BAIAP2L2: variants seen among roughly 807,000 people sequenced by gnomAD.
The protein encoded by BAIAP2L2 is BAR/IMD domain containing adaptor protein 2 like 2.
Under a neutral mutation model 60.4 loss-of-function variants are expected in BAIAP2L2, and 65 were observed. The ratio of observed to expected loss-of-function variants is 1.08; its 90% CI spans 0.88 to 1.32. The LOEUF (loss-of-function observed/expected upper bound fraction) is 1.32, where lower values mean the gene tolerates loss of function less well. BAIAP2L2 is among the 40% of genes most tolerant of loss of function. BAIAP2L2 has a pLI of 0.00. For missense variants in BAIAP2L2, 836 were observed against 741.2 expected (o/e 1.13, Z -1.48); for synonymous variants, 344 against 301.7 (o/e 1.14, Z -1.45).
At chr22:38,110,206 G>A (rs1003086821) in intron 1 of BAIAP2L2, among the ~76,000 whole-genome samples, 16 of 144,986 alleles carry the variant, frequency 1.1e-4, no homozygotes, top group Admixed American at 3.5e-4. Flanking sequence ...GGGCAGCCAG[G>A]CCCTTCTCAT....
Position 38,087,270 on chromosome 22 carries a change from G to A in BAIAP2L2, c.1119-6C>T. The A allele has an allele frequency of 6.3e-7, 1 of 1,599,472 alleles. No individual in the cohort carries two copies. The highest frequency in any genetic ancestry group is 8.5e-7 in the Non-Finnish European group (1 of 1,174,222). ...CCTCGGGGAACCAACCGCTCCTGTG[G>A]GGTAGAGGCAGAGGACAATGACCAA... On this transcript the variant is annotated splice_polypyrimidine_tract_variant and splice_region_variant and intron_variant, in intron 10 of 13. Coordinates refer to ENST00000381669, the MANE Select transcript of BAIAP2L2 (RefSeq NM_025045.6).
Position 38,108,944 on chromosome 22 carries a change from G to A in BAIAP2L2, c.127+189C>T, listed in dbSNP as rs141386110. ...GGGTGCTGGGTGTGGACTGGGGTGC[G>A]TGGGCACAGGAGAGTGGGGGTGCAT... is the stretch of plus-strand genomic sequence containing the variant. On this transcript the variant is annotated intron_variant, in intron 2 of 13. Transcript: ENST00000381669. Among the ~76,000 whole-genome samples the A allele has an allele frequency of 1.6e-4, 24 of 152,048 alleles. No individual in the cohort carries two copies. In the East Asian group the frequency reaches 2.1e-3, roughly 13 times the overall value.
Position 38,104,990 on chromosome 22 carries a change from G to A in BAIAP2L2, c.276+2862C>T, listed in dbSNP as rs2086635501. Reference sequence around the variant, plus strand: ...GAGGCTGGCAAAGTTCTGCATGGTAGTTTCAGGTCTGGTTTGCCTAATAAT... The same window carrying A: ...GAGGCTGGCAAAGTTCTGCATGGTAATTTCAGGTCTGGTTTGCCTAATAAT... On this transcript the variant is annotated intron_variant, in intron 4 of 13. Transcript: ENST00000381669. 2.6e-5 allele frequency among the ~76,000 whole-genome samples: 4 copies of A among 152,174 alleles called. No homozygotes were observed. In the South Asian group the frequency reaches 8.3e-4, roughly 32 times the overall value.
At chr22:38,089,263 C>CG (rs1274367926) in intron 8 of BAIAP2L2, 32 bp from the exon 9 acceptor site, 99 of 20,896 alleles carry the variant, frequency 4.7e-3, no homozygotes, top group Admixed American at 0.012. Flanking sequence ...GAGGGTGGGG[C>CG]GGGGGGGGGG....
Position 38,089,552 on chromosome 22 carries a change from C to T in BAIAP2L2, c.735G>A (p.Ser245=). The change falls in exon 8 of 14, where the codon TCG becomes TCA. Residue 245 remains serine, a synonymous_variant. Coordinates refer to ENST00000381669, the MANE Select transcript of BAIAP2L2 (RefSeq NM_025045.6). The stretch of plus-strand genomic sequence containing the variant: ...CCAGGCAGGTGGGCGTCAGGCGGCC[C>T]GAGGGGTAGGGCGGCCCCAGCGCGG... ...LGPALGPPYP[S]GRLTPTCLDM... 8.2e-7 allele frequency: 1 copy of T among 1,226,288 alleles called. No homozygotes were observed. Among genetic ancestry groups the T allele is most frequent in the South Asian group, 4.1e-5 (1 of 24,360 alleles). The allele number at this position is 1,226,288 out of a possible 1,614,324, so 76.0% of individuals were successfully genotyped here. A position where few individuals can be genotyped will look rare whatever the true frequency, so the allele number is the denominator to read the frequency against.
intron 10 of BAIAP2L2, 103 bp downstream of exon 10, chr22:38,088,645 C>G: frequency 8.1e-7 from 1 of 1,233,812 alleles, no homozygotes; most frequent in South Asian, 1.6e-5. Context: ...TCCGAGGCCC[C>G]CGGGGGAGGC....
In BAIAP2L2 at chr22:38,089,681, G is replaced by A; in HGVS notation, c.613-7C>T. 1.6e-6 allele frequency: 2 copies of A among 1,229,762 alleles called. No individual in the cohort carries two copies. The highest frequency in any genetic ancestry group is 2.0e-6 in the Non-Finnish European group (2 of 986,664). The allele number at this position is 1,229,762 out of a possible 1,614,324, so 76.2% of individuals were successfully genotyped here. On this transcript the variant is annotated splice_polypyrimidine_tract_variant and splice_region_variant and intron_variant, in intron 7 of 13. Transcript: ENST00000381669. ...TCTGGAGCATCCCCCGGGCCTGGCC[G>A]GGCGGGGACACGGGGGTCAGCCAGG...
chr22:38,085,708 G>T lies in BAIAP2L2; in HGVS notation c.1492C>A (p.Pro498Thr), dbSNP rs747267486. The stretch of plus-strand genomic sequence containing the variant: ...CACCTCGGGAAGAGCTCCTGTGGTG[G>T]GTACTGCTCTGAGGACATCAGTTTC... ...VKKLMSSEQY[P>T]PQELFPRGTN... Residue 498 changes from proline (P) to threonine (T), a missense_variant, in exon 13 of 14, where the codon CCA becomes ACA. Transcript: ENST00000381669. The T allele has an allele frequency of 6.2e-7, 1 of 1,611,152 alleles. No individual in the cohort carries two copies. The highest frequency in any genetic ancestry group is 8.5e-7 in the Non-Finnish European group (1 of 1,179,150).
In BAIAP2L2 at chr22:38,088,888, G is replaced by A. The variant is rs2086185214; in HGVS notation, c.978C>T (p.Ala326=). The A allele has an allele frequency of 6.3e-7, 1 of 1,580,278 alleles. No individual in the cohort carries two copies. The highest frequency in any genetic ancestry group is 8.5e-7 in the Non-Finnish European group (1 of 1,171,202). The part of the protein sequence containing the change: ...FGERPGGGGG[A]RRVRALVSHS... ...GGGAGACCAGGGCGCGGACTCTCCTGGCGCCCCCGCCGCCGCCCGGGCGCT... is the reference window on the plus strand; with the variant it reads ...GGGAGACCAGGGCGCGGACTCTCCTAGCGCCCCCGCCGCCGCCCGGGCGCT... The change falls in exon 10 of 14, where the codon GCC becomes GCT. Residue 326 remains alanine (A), a synonymous_variant. Transcript: ENST00000381669.
chr22:38,102,729 T>C (rs2086590868), intron 4 of BAIAP2L2, among the ~76,000 whole-genome samples: 1 of 151,848 alleles, frequency 6.6e-6, no homozygotes, highest in Non-Finnish European at 1.5e-5. Context: ...CTCATCTCTA[T>C]AAAAAGAGTT....
At chr22:38,100,059 G>A (rs1212644359) in intron 4 of BAIAP2L2, among the ~76,000 whole-genome samples, 1 of 152,210 alleles carries the variant, frequency 6.6e-6, no homozygotes, top group Non-Finnish European at 1.5e-5. Context: ...CTGCCAGTGT[G>A]TGTGTAGAGA....
chr22:38,091,409 G>T (rs144726359), intron 7 of BAIAP2L2: 11 of 152,176 alleles, frequency 7.2e-5, no homozygotes, highest in Non-Finnish European at 1.6e-4. Context: ...TTTGTAACAC[G>T]AAGGATAAAT....
Position 38,097,093 on chromosome 22 carries a change from T to C in BAIAP2L2, c.551A>G (p.Tyr184Cys). ...RAAELEEKRR[Y>C]RFLAEKHLLL... ...CAGGTGCTTCTCTGCTAGGAAGCGA[T>C]AGCGCCGCTTCTCTTCCAATTCAGC... The change falls in exon 7 of 14, where the codon TAT (tyrosine) becomes TGT (cysteine). Residue 184 changes from tyrosine (Y) to cysteine (C), a missense_variant. Coordinates refer to ENST00000381669, the MANE Select transcript of BAIAP2L2 (RefSeq NM_025045.6). 2 of 1,614,096 alleles carry C rather than the reference T, an allele frequency of 1.2e-6. No individual in the cohort carries two copies.
chr22:38,089,420 G>A lies in BAIAP2L2; in HGVS notation c.765+102C>T, dbSNP rs1400705965. ...GGCCGGGGGATGCAGCGTAGAGCGG[G>A]AGCCTGGGGGGCAGGAGGCTCCAGG... is the stretch of plus-strand genomic sequence containing the variant. On this transcript the variant is annotated intron_variant, in intron 8 of 13. Transcript: ENST00000381669. The A allele has an allele frequency of 1.0e-5, 7 of 666,992 alleles. No homozygotes were observed. In the Admixed American group the frequency reaches 1.4e-4, roughly 13 times the overall value. 41.3% of individuals were successfully genotyped at this position (666,992 alleles called of 1,614,324 possible).
rs2086713800 is a variant in BAIAP2L2, at chr22:38,108,403, C to T, written c.128-62G>A. ...CCTCTGCCCCACCCTTCTGGAGGCT[C>T]TTTTCATCTGGAGGGGACTGTGTCT... On this transcript the variant is annotated intron_variant, in intron 2 of 13. Coordinates refer to ENST00000381669, the MANE Select transcript of BAIAP2L2 (RefSeq NM_025045.6). 8.3e-6 allele frequency: 11 copies of T among 1,318,866 alleles called. No homozygotes were observed. The South Asian group carries it at 1.4e-4, about 17-fold the overall frequency. The allele number at this position is 1,318,866 out of a possible 1,614,324, so 81.7% of individuals were successfully genotyped here. A position where few individuals can be genotyped will look rare whatever the true frequency, so the allele number is the denominator to read the frequency against.
chr22:38,096,698 T>A (rs2086436831), intron 7 of BAIAP2L2, among the ~76,000 whole-genome samples: 1 of 152,036 alleles, frequency 6.6e-6, no homozygotes, highest in Non-Finnish European at 1.5e-5. Context: ...TAATAGACGA[T>A]AACTGAGCAC....
At chr22:38,089,467 C>A (rs1429981907) in intron 8 of BAIAP2L2, 55 bp downstream of exon 8, 646 of 1,060,014 alleles carry the variant, frequency 6.1e-4, no homozygotes, top group Non-Finnish European at 7.1e-4. Context: ...AGGCCCCGGG[C>A]CCCCGCGGGG....
At position 38,110,550 on chromosome 22, in the gene BAIAP2L2, A is replaced by G; in HGVS notation, c.-25T>C. The G allele has an allele frequency of 6.3e-7, 1 of 1,597,772 alleles. No homozygotes were observed. Among genetic ancestry groups the G allele is most frequent in the South Asian group, 1.1e-5 (1 of 89,514 alleles). ...TGGAGGGGCTGTCCCGGGTCTGAGCAGGAGGCTGGGAGCTGGTGGCGATGG... is the reference window on the plus strand; with the variant it reads ...TGGAGGGGCTGTCCCGGGTCTGAGCGGGAGGCTGGGAGCTGGTGGCGATGG... On this transcript the variant is annotated 5_prime_UTR_variant, in exon 1 of 14. Transcript: ENST00000381669.
chr22:38,094,763 T>G (rs2086387899), intron 7 of BAIAP2L2, among the ~76,000 whole-genome samples: 1 of 151,830 alleles, frequency 6.6e-6, no homozygotes, highest in Non-Finnish European at 1.5e-5. Flanking sequence ...GAAATCTGGG[T>G]CTTTGGATCC....
Sources: allele counts gnomAD v4.1 joint callset (sites outside exome capture counted in the v4.1 genomes callset), GRCh38; gene constraint gnomAD v4.1.1; transcripts MANE v1.5; gene names NCBI Gene and HGNC (gene_info 2026-07-23, HGNC 2026-07-21).